CPXM2: variants seen among roughly 807,000 people sequenced by gnomAD.
The protein encoded by CPXM2 is carboxypeptidase X, M14 family member 2.
In CPXM2, 66 loss-of-function variants were observed where a neutral mutation model predicts 86.1. The observed-to-expected ratio is 0.77, with a 90% CI of 0.63 to 0.94. CPXM2 has a LOEUF of 0.94. CPXM2 is among the 40% of genes least tolerant of loss of function. CPXM2 has a pLI of 0.00. For synonymous variants in CPXM2, 388 were observed against 400.2 expected (o/e 0.97, Z 0.36); for missense variants, 948 against 1,026.3 (o/e 0.92, Z 1.04).
chr10:123,787,183 T>C (rs904744875), intron 6 of CPXM2, among the ~76,000 whole-genome samples: 3 of 152,130 alleles, frequency 2.0e-5, no homozygotes, highest in Admixed American at 1.3e-4. Context: ...CTGTGAGCTA[T>C]GCTGGGGACA....
At chr10:123,890,737 G>A (rs368443184) in intron 1 of CPXM2, among the ~76,000 whole-genome samples, 1 of 152,190 alleles carries the variant, frequency 6.6e-6, no homozygotes. Flanking sequence ...ATGAAAGACG[G>A]AGCACTGCAG....
rs547379081 is a variant in CPXM2, at chr10:123,891,260, C to G, written c.304+96G>C. On this transcript the variant is annotated intron_variant, in intron 1 of 13. Coordinates refer to ENST00000241305, the MANE Select transcript of CPXM2 (RefSeq NM_198148.3). The surrounding 1 kb of genome is among the most constrained non-coding windows in gnomAD (Gnocchi z 5.6). ...AACAGGGAGATTCCCGGGACTGGCCCATCCCAGACACACACAATGGGAGAA... is the reference window on the plus strand; with the variant it reads ...AACAGGGAGATTCCCGGGACTGGCCGATCCCAGACACACACAATGGGAGAA... 38 of 1,051,078 alleles carry G rather than the reference C, an allele frequency of 3.6e-5. No individual in the cohort carries two copies. In the East Asian group the frequency reaches 1.1e-3, roughly 30 times the overall value. The allele number at this position is 1,051,078 out of a possible 1,614,324, so 65.1% of individuals were successfully genotyped here.
intron 4 of CPXM2, among the ~76,000 whole-genome samples, chr10:123,821,760 C>A (rs1847928852): frequency 6.6e-6 from 1 of 152,192 alleles, no homozygotes; most frequent in South Asian, 2.1e-4. Flanking sequence ...CTGCTAAAAA[C>A]CTCCTAAAAT....
chr10:123,756,929 C>T (rs2133978657), intron 12 of CPXM2, among the ~76,000 whole-genome samples: 1 of 152,316 alleles, frequency 6.6e-6, no homozygotes, highest in Admixed American at 6.5e-5. Flanking sequence ...GGCCTGGGCA[C>T]ATTGGCTCAA....
intron 10 of CPXM2, among the ~76,000 whole-genome samples, chr10:123,765,378 A>G (rs1790118501): frequency 6.6e-6 from 1 of 152,228 alleles, no homozygotes; most frequent in Non-Finnish European, 1.5e-5. Flanking sequence ...CAAATAACTA[A>G]ATTCTAGTCT....
intron 3 of CPXM2, among the ~76,000 whole-genome samples, chr10:123,847,545 T>C (rs566166952): frequency 3.3e-5 from 5 of 151,868 alleles, no homozygotes; most frequent in African/African-American, 1.2e-4. Context: ...AGAAAAAGAA[T>C]TGAAGATTTC....
chr10:123,748,650 C>T (rs187797025), intron 13 of CPXM2, among the ~76,000 whole-genome samples: 28 of 152,108 alleles, frequency 1.8e-4, no homozygotes, highest in Admixed American at 3.3e-4. Flanking sequence ...CACTTCTTGG[C>T]GCTGTGTGCT....
intron 1 of CPXM2, among the ~76,000 whole-genome samples, chr10:123,889,012 C>T (rs1190313781): frequency 6.6e-6 from 1 of 152,248 alleles, no homozygotes; most frequent in African/African-American, 2.4e-5. Context: ...CTGTCTCTAC[C>T]TGCAAGATGG....
chr10:123,881,235 T>TCCCCCCC (rs1945085902), intron 1 of CPXM2, among the ~76,000 whole-genome samples: 1 of 49,208 alleles, frequency 2.0e-5, no homozygotes. Flanking sequence ...ACCCTTCTCT[T>TCCCCCCC]CCCTTCCCTT....
chr10:123,823,332 G>A (rs772939083), intron 4 of CPXM2, among the ~76,000 whole-genome samples: 9 of 152,162 alleles, frequency 5.9e-5, no homozygotes, highest in Non-Finnish European at 1.2e-4. Context: ...ATGGCTCCAG[G>A]AGGGATATCT....
intron 6 of CPXM2, among the ~76,000 whole-genome samples, chr10:123,793,830 C>T (rs1847263985): frequency 6.6e-6 from 1 of 152,128 alleles, no homozygotes; most frequent in Non-Finnish European, 1.5e-5. Context: ...CCCGACTTTG[C>T]AAGCAAAAAT....
At chr10:123,789,504 A>G (rs573594246) in intron 6 of CPXM2, among the ~76,000 whole-genome samples, 20 of 152,360 alleles carry the variant, frequency 1.3e-4, no homozygotes, top group Admixed American at 1.2e-3. Context: ...CTGTTTTAAC[A>G]GTTTCCCAAG....
chr10:123,935,656 A>C (rs1357903145), intron 2 of CPXM2, among the ~76,000 whole-genome samples: 1 of 152,188 alleles, frequency 6.6e-6, no homozygotes, highest in African/African-American at 2.4e-5. Flanking sequence ...GAGCCCAGAC[A>C]TGAAAGATGG....
chr10:123,756,162 A>G (rs892336251), intron 12 of CPXM2, among the ~76,000 whole-genome samples: 1 of 152,188 alleles, frequency 6.6e-6, no homozygotes, highest in Non-Finnish European at 1.5e-5. Context: ...AGCACAACCC[A>G]TGGAAGGGGA....
intron 2 of CPXM2, among the ~76,000 whole-genome samples, chr10:123,863,639 G>T (rs949779142): frequency 9.2e-5 from 14 of 152,172 alleles, no homozygotes; most frequent in African/African-American, 3.4e-4. Flanking sequence ...GACCAGCAGG[G>T]TTAATCCTCA....
intron 6 of CPXM2, among the ~76,000 whole-genome samples, chr10:123,786,134 T>A (rs11248280): frequency 6.6e-6 from 1 of 152,140 alleles, no homozygotes; most frequent in Non-Finnish European, 1.5e-5. Context: ...TTTATGCAGA[T>A]GTAGCTTTAA....
intron 6 of CPXM2, among the ~76,000 whole-genome samples, chr10:123,787,209 C>G (rs1847080878): frequency 6.6e-6 from 1 of 152,052 alleles, no homozygotes; most frequent in African/African-American, 2.4e-5. Flanking sequence ...ACAGTGCAGA[C>G]AGAGATGGAA....
intron 6 of CPXM2, among the ~76,000 whole-genome samples, chr10:123,793,243 T>C (rs1370586645): frequency 6.6e-6 from 1 of 151,916 alleles, no homozygotes; most frequent in Admixed American, 6.6e-5. Context: ...GGCGGGTGGA[T>C]GACGAGGTCA....
At chr10:123,770,102 T>C (rs537308695) in intron 8 of CPXM2, among the ~76,000 whole-genome samples, 2 of 152,176 alleles carry the variant, frequency 1.3e-5, no homozygotes, top group African/African-American at 2.4e-5. Context: ...GGAGAAACCA[T>C]GTCTCTACTA....
Sources: allele counts gnomAD v4.1 joint callset (sites outside exome capture counted in the v4.1 genomes callset), GRCh38; gene constraint gnomAD v4.1.1; non-coding constraint Gnocchi (gnomAD v3.1); transcripts MANE v1.5; gene names NCBI Gene and HGNC (gene_info 2026-07-23, HGNC 2026-07-21).